The following EYS variants were observed in gnomAD, a reference collection of about 807,000 sequenced individuals.
EYS encodes the protein protein eyes shut homolog.
Under a neutral mutation model 282.1 loss-of-function variants are expected in EYS, and 250 were observed. The ratio of observed to expected loss-of-function variants is 0.89; its 90% confidence interval spans 0.80 to 0.98. EYS has a LOEUF of 0.98. EYS is among the 50% of genes least tolerant of loss of function. The probability of loss-of-function intolerance (pLI) is 0.00; values close to 1 mark genes in which losing one functional copy is unlikely to be tolerated. For synonymous variants in EYS, 1,355 were observed against 1,282.9 expected, an observed-to-expected ratio of 1.06 and a Z score of -1.20; for missense variants, 4,016 against 3,709.0, an observed-to-expected ratio of 1.08 and a Z score of -2.15.
intron 12 of EYS, among the ~76,000 whole-genome samples, chr6:65,211,923 T>C (rs1766185527): frequency 6.6e-6 from 1 of 151,922 alleles, no homozygotes; most frequent in Non-Finnish European, 1.5e-5. Context: ...ATATATGAAG[T>C]CTTTTGGGTG....
intron 32 of EYS, among the ~76,000 whole-genome samples, chr6:64,076,239 G>C (rs1771766873): frequency 6.6e-6 from 1 of 151,808 alleles, no homozygotes; most frequent in Non-Finnish European, 1.5e-5. Flanking sequence ...TGTTCAATGG[G>C]ATAATTTCCT....
At chr6:64,335,172 A>AT (rs1243832911) in intron 29 of EYS, among the ~76,000 whole-genome samples, 1 of 152,104 alleles carries the variant, frequency 6.6e-6, no homozygotes, top group Non-Finnish European at 1.5e-5. Context: ...AATTAATGAA[A>AT]TCAACTATAA....
At chr6:65,237,903 C>A (rs1184024747) in intron 12 of EYS, among the ~76,000 whole-genome samples, 1 of 151,816 alleles carries the variant, frequency 6.6e-6, no homozygotes, top group Non-Finnish European at 1.5e-5. Flanking sequence ...TGAATCATGG[C>A]CCATTTTGGC....
intron 20 of EYS, 128 bp downstream of exon 20, chr6:64,822,523 G>A (rs1054421989): frequency 5.3e-6 from 4 of 755,054 alleles, no homozygotes; most frequent in Middle Eastern, 3.5e-4. Context: ...CATCTTAAAT[G>A]TACTTAGCTC....
intron 28 of EYS, among the ~76,000 whole-genome samples, chr6:64,396,580 T>C (rs759247630): frequency 5.3e-5 from 8 of 152,140 alleles, no homozygotes; most frequent in Non-Finnish European, 1.0e-4. Flanking sequence ...ACAATCCACC[T>C]GAGATTGGTT....
chr6:65,306,556 A>G (rs2150295269), intron 11 of EYS, among the ~76,000 whole-genome samples: 1 of 152,284 alleles, frequency 6.6e-6, no homozygotes, highest in Non-Finnish European at 1.5e-5. Context: ...TTTTTAAAAA[A>G]TAAACTGGTA....
chr6:65,147,461 T>G (rs1285787248), intron 12 of EYS, among the ~76,000 whole-genome samples: 1 of 152,108 alleles, frequency 6.6e-6, no homozygotes, highest in East Asian at 1.9e-4. Context: ...TCAGTATTTC[T>G]TCCAGGCAGT....
intron 8 of EYS, among the ~76,000 whole-genome samples, chr6:65,373,010 A>G (rs1290008917): frequency 6.6e-6 from 1 of 152,172 alleles, no homozygotes; most frequent in Non-Finnish European, 1.5e-5. Context: ...TTTTAGTCTA[A>G]TCCCATTAAC....
chr6:65,555,938 T>C (rs1288844564), intron 2 of EYS, among the ~76,000 whole-genome samples: 1 of 152,184 alleles, frequency 6.6e-6, no homozygotes, highest in African/African-American at 2.4e-5. Flanking sequence ...TTAAAATTAA[T>C]TTTACCTTTA....
At chr6:64,659,689 G>A (rs1273404801) in intron 22 of EYS, among the ~76,000 whole-genome samples, 1 of 152,108 alleles carries the variant, frequency 6.6e-6, no homozygotes, top group African/African-American at 2.4e-5. Context: ...AAACCAGGAA[G>A]AAGTTGAATC....
rs1769736263 is a variant in EYS, at chr6:65,329,968, A to G, written c.1766+5012T>C. 1.1e-5 allele frequency: 11 copies of G among 979,038 alleles called. No homozygotes were observed. In the South Asian group the frequency reaches 5.2e-4, roughly 46 times the overall value. 60.6% of individuals were successfully genotyped at this position (979,038 alleles called of 1,614,324 possible). A position where few individuals can be genotyped will look rare whatever the true frequency, so the allele number is the denominator to read the frequency against. ...TTTGGATATATTTAACATTACACAG[A>G]AAATGTGAATCTCCTAAAATAGCCT... On this transcript the variant is annotated intron_variant, in intron 11 of 42. Transcript: ENST00000503581.
intron 2 of EYS, among the ~76,000 whole-genome samples, chr6:65,542,311 T>C (rs538400666): frequency 2.6e-5 from 4 of 152,272 alleles, no homozygotes; most frequent in African/African-American, 9.6e-5. Context: ...TCAGACTTGA[T>C]AGTTTACAAA....
chr6:64,125,930 T>A (rs1773770899), intron 31 of EYS, among the ~76,000 whole-genome samples: 1 of 150,070 alleles, frequency 6.7e-6, no homozygotes, highest in Non-Finnish European at 1.5e-5. Context: ...TTTTTTTTTT[T>A]ATTATACTTT....
intron 36 of EYS, among the ~76,000 whole-genome samples, chr6:63,845,982 T>C (rs975119514): frequency 6.6e-6 from 1 of 152,176 alleles, no homozygotes; most frequent in African/African-American, 2.4e-5. Context: ...ATCCTAAAGA[T>C]GCACTTTTCT....
chr6:64,432,467 A>C (rs551055593), intron 28 of EYS, among the ~76,000 whole-genome samples: 1 of 151,712 alleles, frequency 6.6e-6, no homozygotes, highest in Admixed American at 6.6e-5. Context: ...AAATGGAAAA[A>C]GGCCCATAAT....
At chr6:63,733,052 C>T (rs1430414871) in intron 41 of EYS, among the ~76,000 whole-genome samples, 1 of 151,950 alleles carries the variant, frequency 6.6e-6, no homozygotes, top group Non-Finnish European at 1.5e-5. Flanking sequence ...CCAAGTGGCT[C>T]TTTGAGGATA....
At chr6:64,538,009 T>C (rs1225488119) in intron 26 of EYS, among the ~76,000 whole-genome samples, 2 of 152,174 alleles carry the variant, frequency 1.3e-5, no homozygotes, top group African/African-American at 4.8e-5. Flanking sequence ...TTAATAAGTG[T>C]CAGGTCTATA....
chr6:65,498,202 G>A (rs954107472), intron 2 of EYS, among the ~76,000 whole-genome samples: 1 of 151,996 alleles, frequency 6.6e-6, no homozygotes, highest in Non-Finnish European at 1.5e-5. Flanking sequence ...AGGTCTATCT[G>A]AGTGATTTTC....
At position 64,864,385 on chromosome 6, in the gene EYS, CTTTT is replaced by C. The variant is rs769240399; in HGVS notation, c.2992+22308_2992+22311del. 1.2e-4 allele frequency among the ~76,000 whole-genome samples: 7 copies of C among 57,192 alleles called. 1 individual carries two copies. Among genetic ancestry groups the C allele is most frequent in the Middle Eastern group, 0.01 (1 of 96 alleles). The allele number at this position is 57,192 out of a possible 152,430, so 37.5% of individuals were successfully genotyped here. On this transcript the variant is annotated intron_variant, in intron 19 of 42. Coordinates refer to ENST00000503581, the MANE Select transcript of EYS (RefSeq NM_001142800.2). ...GAGAAATACAGAGGTGCTATACCTT[CTTTT>C]TTTTTTTTTTTTTTTTTGACAGAAT...
Sources: allele counts gnomAD v4.1 joint callset (sites outside exome capture counted in the v4.1 genomes callset), GRCh38; gene constraint gnomAD v4.1.1; transcripts MANE v1.5; gene names NCBI Gene and HGNC (gene_info 2026-07-23, HGNC 2026-07-21).